PC: variants seen among roughly 807,000 people sequenced by gnomAD.
PC encodes the protein pyruvate carboxylase, mitochondrial.
In PC, 46 loss-of-function variants were observed where a neutral mutation model predicts 107.8. That is an observed-to-expected ratio of 0.43 (90% CI 0.34 to 0.55). PC has a LOEUF of 0.55. Ranked by LOEUF, PC falls within the 20% of genes least tolerant of loss-of-function variation. The probability of loss-of-function intolerance (pLI) is 0.04; values close to 1 mark genes in which losing one functional copy is unlikely to be tolerated. For missense variants in PC, 1,241 were observed against 1,643.1 expected, an observed-to-expected ratio of 0.76 and a Z score of 4.23; for synonymous variants, 662 against 684.7, an observed-to-expected ratio of 0.97 and a Z score of 0.52.
chr11:66,903,585 C>CA lies in PC; in HGVS notation c.1-31427dup, dbSNP rs748653705. ...CGAAACCCTGTCTCTACTAAAAATA[C>CA]AAAAAAAAAAAAATTAGCCAGGCGT... On this transcript the variant is annotated intron_variant, in intron 3 of 22. Coordinates refer to ENST00000393960, the MANE Select transcript of PC (RefSeq NM_001040716.2). Among the ~76,000 whole-genome samples the CA allele has an allele frequency of 3.1e-3, 408 of 131,634 alleles. 2 individuals are homozygous for CA. The highest frequency in any genetic ancestry group is 5.8e-3 in the African/African-American group (209 of 35,916). The allele number at this position is 131,634 out of a possible 152,430, so 86.4% of individuals were successfully genotyped here.
chr11:66,948,352 A>G (rs1949355699), intron 3 of PC, among the ~76,000 whole-genome samples: 1 of 152,204 alleles, frequency 6.6e-6, no homozygotes, highest in South Asian at 2.1e-4. Context: ...GAAAATGGAA[A>G]CTAACCTATA....
At chr11:66,924,758 C>G (rs1013175829) in intron 3 of PC, among the ~76,000 whole-genome samples, 1 of 152,202 alleles carries the variant, frequency 6.6e-6, no homozygotes, top group African/African-American at 2.4e-5. Flanking sequence ...GCCACTGAGC[C>G]TAGCCTATTA....
In PC at chr11:66,886,206, G is replaced by C. The variant is rs553029266; in HGVS notation, c.1-14047C>G. On this transcript the variant is annotated intron_variant, in intron 3 of 22. Transcript: ENST00000393960. ...GTCCAGAGGGAGAAGAGGGGAGGGA[G>C]GGGGGCAGGCAGAGGAGGGGAGGAG... Among the ~76,000 whole-genome samples the C allele has an allele frequency of 1.1e-4, 16 of 151,988 alleles. No individual in the cohort carries two copies. In the South Asian group the frequency reaches 3.1e-3, roughly 30 times the overall value.
intron 12 of PC, chr11:66,859,049 C>G (rs747993632): frequency 1.3e-6 from 2 of 1,503,542 alleles, no homozygotes; most frequent in East Asian, 4.7e-5. Context: ...TGTGGATGTT[C>G]CAAATCCAGT....
In PC at chr11:66,871,003, C is replaced by A. The variant is rs780045032; in HGVS notation, c.633+49G>T. The A allele has an allele frequency of 1.6e-5, 26 of 1,611,762 alleles. No individual in the cohort carries two copies. The highest frequency in any genetic ancestry group is 2.2e-5 in the Non-Finnish European group (26 of 1,178,632). On this transcript the variant is annotated intron_variant, in intron 7 of 22. Coordinates refer to ENST00000393960, the MANE Select transcript of PC (RefSeq NM_001040716.2). This position sits in a 1 kb window ranked among gnomAD's most constrained non-coding sequence, Gnocchi z 7.4. ...CCCTTGAGTGGTCCGCCCCTGCCCC[C>A]ACGGCAGGCTGCCCTGCCCTGCTCC...
At chr11:66,927,719 G>C (rs546226460) in intron 3 of PC, among the ~76,000 whole-genome samples, 8 of 144,644 alleles carry the variant, frequency 5.5e-5, no homozygotes, top group African/African-American at 1.8e-4. Flanking sequence ...GCGAAAGTCC[G>C]TCTCAAAAAA....
chr11:66,949,038 G>A (rs1009744269), intron 3 of PC, among the ~76,000 whole-genome samples: 12 of 151,322 alleles, frequency 7.9e-5, no homozygotes, highest in Middle Eastern at 3.2e-3. Context: ...GTGTCGCCAG[G>A]CTGGAGTGCA....
chr11:66,947,669 G>A (rs1474869339), intron 3 of PC, among the ~76,000 whole-genome samples: 1 of 152,014 alleles, frequency 6.6e-6, no homozygotes, highest in Admixed American at 6.6e-5. Flanking sequence ...AGGAGTTCAA[G>A]ACAAGCCTAA....
Position 66,848,799 on chromosome 11 carries a change from G to A in PC, c.*100C>T, listed in dbSNP as rs1425437247. On this transcript the variant is annotated 3_prime_UTR_variant, in exon 23 of 23. Coordinates refer to ENST00000393960, the MANE Select transcript of PC (RefSeq NM_001040716.2). ...GCTGTGGACAGGACCTCCACGGCCCGGCCTTCCTGGCCTCGGGCACTGGCT... is the reference window on the plus strand; with the variant it reads ...GCTGTGGACAGGACCTCCACGGCCCAGCCTTCCTGGCCTCGGGCACTGGCT... 1.2e-5 allele frequency: 18 copies of A among 1,508,306 alleles called. No homozygotes were observed. The highest frequency in any genetic ancestry group is 4.5e-5 in the South Asian group (4 of 88,250). 93.4% of individuals were successfully genotyped at this position (1,508,306 alleles called of 1,614,324 possible).
At chr11:66,937,723 T>C (rs1057254698) in intron 3 of PC, among the ~76,000 whole-genome samples, 1 of 152,100 alleles carries the variant, frequency 6.6e-6, no homozygotes, top group Admixed American at 6.6e-5. Context: ...CAGCCTCTAG[T>C]GAATTTTTCA....
chr11:66,892,730 C>G (rs1164106034), intron 3 of PC, among the ~76,000 whole-genome samples: 2 of 151,904 alleles, frequency 1.3e-5, no homozygotes, highest in Non-Finnish European at 2.9e-5. Flanking sequence ...GCCTATAATC[C>G]CAGCTTCCCA....
rs970797577 is a variant in PC, at chr11:66,892,676, C to T, written c.1-20517G>A. 2.0e-5 allele frequency among the ~76,000 whole-genome samples: 3 copies of T among 152,206 alleles called. No homozygotes were observed. In the South Asian group the frequency reaches 6.2e-4, roughly 32 times the overall value. On this transcript the variant is annotated intron_variant, in intron 3 of 22. Coordinates refer to ENST00000393960, the MANE Select transcript of PC (RefSeq NM_001040716.2). Reference sequence around the variant, plus strand: ...CCTGGCCAAGATGGTGAAACCCCGTCTCTACTAAAAATACAAAAAAATTAG... The same window carrying T: ...CCTGGCCAAGATGGTGAAACCCCGTTTCTACTAAAAATACAAAAAAATTAG...
intron 11 of PC, among the ~76,000 whole-genome samples, chr11:66,865,640 T>TC (rs1026265585): frequency 5.3e-5 from 8 of 151,816 alleles, no homozygotes; most frequent in African/African-American, 1.9e-4. Flanking sequence ...CACCACTCTC[T>TC]CCCCCACCAA....
intron 3 of PC, among the ~76,000 whole-genome samples, chr11:66,926,924 TG>T (rs1948730461): frequency 6.6e-6 from 1 of 151,906 alleles, no homozygotes; most frequent in Non-Finnish European, 1.5e-5. Flanking sequence ...TTCCACTGGA[TG>T]GGTAGGCCAC....
At chr11:66,917,230 C>T (rs767854158) in intron 3 of PC, among the ~76,000 whole-genome samples, 1 of 151,868 alleles carries the variant, frequency 6.6e-6, no homozygotes, top group Non-Finnish European at 1.5e-5. Flanking sequence ...CGCCATCACA[C>T]CCGGCTAATT....
chr11:66,951,102 C>T (rs1949425774), intron 3 of PC, among the ~76,000 whole-genome samples: 1 of 152,082 alleles, frequency 6.6e-6, no homozygotes, highest in African/African-American at 2.4e-5. Context: ...ACACAGGAAA[C>T]CAGCTCCTGC....
chr11:66,891,907 T>G (rs1448293250), intron 3 of PC, among the ~76,000 whole-genome samples: 1 of 152,228 alleles, frequency 6.6e-6, no homozygotes, highest in Non-Finnish European at 1.5e-5. Context: ...GGCTATTTTC[T>G]TATGATTGTG....
intron 3 of PC, among the ~76,000 whole-genome samples, chr11:66,873,343 A>AAT (rs1244411363): frequency 9.1e-5 from 11 of 120,880 alleles, no homozygotes; most frequent in East Asian, 2.1e-4. Flanking sequence ...ATCTTTAAAA[A>AAT]ATATATATAT....
chr11:66,940,635 C>T (rs1949107719), intron 3 of PC, among the ~76,000 whole-genome samples: 1 of 151,804 alleles, frequency 6.6e-6, no homozygotes, highest in Non-Finnish European at 1.5e-5. Context: ...CTGCAGTGAG[C>T]CAAGACTGTG....
Sources: gnomAD v4.1 joint callset for allele counts (sites outside exome capture counted in the v4.1 genomes callset) on GRCh38, gnomAD v4.1.1 for gene constraint, Gnocchi (gnomAD v3.1) non-coding constraint, MANE v1.5 for transcripts, NCBI Gene and HGNC (gene_info 2026-07-23, HGNC 2026-07-21) for gene names.